LRP2: variants seen among roughly 807,000 people sequenced by gnomAD.
The protein encoded by LRP2 is low-density lipoprotein receptor-related protein 2.
In LRP2, 172 loss-of-function variants were observed where a neutral mutation model predicts 531.0. The observed-to-expected ratio is 0.32, with a 90% CI of 0.29 to 0.37. The LOEUF (loss-of-function observed/expected upper bound fraction) is 0.37. Ranked by LOEUF, LRP2 falls within the 10% of genes least tolerant of loss-of-function variation. The probability of loss-of-function intolerance (pLI) is 1.00; values close to 1 mark genes in which losing one functional copy is unlikely to be tolerated. For missense variants in LRP2, 5,167 were observed against 5,868.3 expected, an observed-to-expected ratio of 0.88 and a Z score of 3.90; for synonymous variants, 1,992 against 2,027.6, an observed-to-expected ratio of 0.98 and a Z score of 0.47.
chr2:169,241,277 C>T lies in LRP2; in HGVS notation c.3756G>A (p.Gly1252=), dbSNP rs748092401. Residue 1252 remains glycine (G), a synonymous_variant, in exon 25 of 79, where the codon GGG becomes GGA. Coordinates refer to ENST00000649046, the MANE Select transcript of LRP2 (RefSeq NM_004525.3). ...CAGATCCATAGAGGCAGTCTGGATG[C>T]CCATCACATTCCCAGAAGTTCGGGA... The part of the protein sequence containing the change: ...ICIPNFWECD[G]HPDCLYGSDE... 1.2e-6 allele frequency: 2 copies of T among 1,614,168 alleles called. No homozygotes were observed. The highest frequency in any genetic ancestry group is 8.5e-7 in the Non-Finnish European group (1 of 1,180,024).
intron 1 of LRP2, among the ~76,000 whole-genome samples, chr2:169,351,395 T>C (rs1349899954): frequency 5.3e-5 from 8 of 152,150 alleles, no homozygotes; most frequent in African/African-American, 1.7e-4. Flanking sequence ...ACAGAGGATT[T>C]CATAAAAGAA....
chr2:169,327,337 C>A (rs1418692659), intron 1 of LRP2, among the ~76,000 whole-genome samples: 2 of 132,770 alleles, frequency 1.5e-5, no homozygotes, highest in Non-Finnish European at 3.3e-5. Context: ...GCCCGGCCAG[C>A]CGCCCCATCC....
chr2:169,127,971 T>C lies in LRP2; in HGVS notation c.*692A>G, dbSNP rs138783294. On this transcript the variant is annotated 3_prime_UTR_variant, in exon 79 of 79. Transcript: ENST00000649046. ...GGGATTTCCTCATAGACATCACAAA[T>C]AAAAATGTTGTCTTGGCAGCTAGTG... The C allele has an allele frequency of 2.2e-4, 33 of 152,636 alleles. No individual in the cohort carries two copies. Among genetic ancestry groups the C allele is most frequent in the African/African-American group, 7.9e-4 (33 of 41,528 alleles). The allele number at this position is 152,636 out of a possible 1,614,324, so 9.5% of individuals were successfully genotyped here.
intron 1 of LRP2, among the ~76,000 whole-genome samples, chr2:169,341,393 G>A (rs566749704): frequency 4.9e-4 from 74 of 152,268 alleles, no homozygotes; most frequent in African/African-American, 1.7e-3. Flanking sequence ...TGCCTCCAGA[G>A]TCAATTCAAT....
chr2:169,233,654 G>C lies in LRP2; in HGVS notation c.4921-66C>G. ...CAAAGCCAAGGTGCACTGAGTCAAAGAGGATATCTGCTCAAGAAGACGGTT... is the reference window on the plus strand; with the variant it reads ...CAAAGCCAAGGTGCACTGAGTCAAACAGGATATCTGCTCAAGAAGACGGTT... On this transcript the variant is annotated intron_variant, in intron 29 of 78. Transcript: ENST00000649046. 5 of 1,333,216 alleles carry C rather than the reference G, an allele frequency of 3.8e-6. No homozygotes were observed. In the South Asian group the frequency reaches 5.9e-5, roughly 16 times the overall value. The allele number at this position is 1,333,216 out of a possible 1,614,324, so 82.6% of individuals were successfully genotyped here. A position where few individuals can be genotyped will look rare whatever the true frequency, so the allele number is the denominator to read the frequency against.
At chr2:169,156,175 G>C in intron 65 of LRP2, 99 bp downstream of exon 65, 1 of 1,528,864 alleles carries the variant, frequency 6.5e-7, no homozygotes, top group Non-Finnish European at 8.9e-7. Flanking sequence ...AGAAAGAAAA[G>C]AAAAACTATG....
Position 169,356,452 on chromosome 2 carries a change from G to T in LRP2, c.79+5869C>A, listed in dbSNP as rs534915549. 3.9e-5 allele frequency among the ~76,000 whole-genome samples: 6 copies of T among 152,310 alleles called. No homozygotes were observed. In the South Asian group the frequency reaches 1.2e-3, roughly 32 times the overall value. ...TAATGATGAATGGAAATCTATATGA[G>T]ACTTCACAGTTTATTAAACATTTCA... On this transcript the variant is annotated intron_variant, in intron 1 of 78. Coordinates refer to ENST00000649046, the MANE Select transcript of LRP2 (RefSeq NM_004525.3).
chr2:169,281,829 A>C (rs1472503333), intron 10 of LRP2, among the ~76,000 whole-genome samples: 2 of 152,146 alleles, frequency 1.3e-5, no homozygotes, highest in African/African-American at 2.4e-5. Flanking sequence ...CACAAGATGC[A>C]GAACTGTGCA....
chr2:169,202,284 G>C (rs1024744593), intron 43 of LRP2, among the ~76,000 whole-genome samples: 2 of 152,170 alleles, frequency 1.3e-5, no homozygotes, highest in African/African-American at 4.8e-5. Flanking sequence ...TATTCAGATG[G>C]AAGCTGAGGA....
At chr2:169,246,624 C>T in intron 21 of LRP2, 81 bp downstream of exon 21, 1 of 1,500,486 alleles carries the variant, frequency 6.7e-7, no homozygotes, top group Non-Finnish European at 9.3e-7. Context: ...ATATAAATAG[C>T]CCAAGCTTTT....
chr2:169,209,863 T>C (rs758759820), intron 37 of LRP2, among the ~76,000 whole-genome samples: 1 of 152,112 alleles, frequency 6.6e-6, no homozygotes, highest in Admixed American at 6.6e-5. Context: ...ATGTTGATTA[T>C]AGGTTTAGGC....
At chr2:169,272,850 G>A in intron 15 of LRP2, 77 bp downstream of exon 15, 2 of 1,576,454 alleles carry the variant, frequency 1.3e-6, no homozygotes, top group Non-Finnish European at 1.7e-6. Context: ...TTCAAGAGTA[G>A]CAGTTAGTCT....
At position 169,139,262 on chromosome 2, in the gene LRP2, G is replaced by C; in HGVS notation, c.13377C>G (p.Pro4459=). 6.2e-7 allele frequency: 1 copy of C among 1,614,148 alleles called. No homozygotes were observed. The highest frequency in any genetic ancestry group is 8.5e-7 in the Non-Finnish European group (1 of 1,180,004). ...ATAATGAAACTGACCTTGGCAGCTT[G>C]GGCAGAGCAGGCAAAAGGGAGCCGG... ...RRTGSLLPAL[P]KLPSLSSLVK... The change falls in exon 74 of 79, where the codon CCC becomes CCG. Residue 4459 remains proline (P), a synonymous_variant. Coordinates refer to ENST00000649046, the MANE Select transcript of LRP2 (RefSeq NM_004525.3).
At chr2:169,328,054 G>A (rs1297232138) in intron 1 of LRP2, among the ~76,000 whole-genome samples, 13 of 140,870 alleles carry the variant, frequency 9.2e-5, no homozygotes, top group Middle Eastern at 3.9e-3. Context: ...CGCCCCGTCC[G>A]GGAGGGAGGT....
intron 71 of LRP2, among the ~76,000 whole-genome samples, chr2:169,140,824 C>G (rs1377250109): frequency 2.0e-5 from 3 of 152,162 alleles, no homozygotes; most frequent in African/African-American, 7.2e-5. Flanking sequence ...GTTACAAGAA[C>G]CTAGTGGTAA....
intron 3 of LRP2, among the ~76,000 whole-genome samples, chr2:169,316,717 C>A (rs925540084): frequency 6.6e-6 from 1 of 152,050 alleles, no homozygotes; most frequent in Admixed American, 6.6e-5. Context: ...TCTCATCAGG[C>A]CACAGAGGGT....
In LRP2 at chr2:169,362,281, G is replaced by A. The variant is rs1162462847; in HGVS notation, c.79+40C>T. The A allele has an allele frequency of 3.3e-6, 5 of 1,506,544 alleles. No homozygotes were observed. The South Asian group carries it at 3.6e-5, about 11-fold the overall frequency. 93.3% of individuals were successfully genotyped at this position (1,506,544 alleles called of 1,614,324 possible). A position where few individuals can be genotyped will look rare whatever the true frequency, so the allele number is the denominator to read the frequency against. ...CGGACCCGACCCTGCCACAGCCGGGGAAGTGGGGGCTCCACGAGAGGCTCT... is the reference window on the plus strand; with the variant it reads ...CGGACCCGACCCTGCCACAGCCGGGAAAGTGGGGGCTCCACGAGAGGCTCT... On this transcript the variant is annotated intron_variant, in intron 1 of 78. Transcript: ENST00000649046.
chr2:169,219,608 T>G (rs1001960670), intron 34 of LRP2, among the ~76,000 whole-genome samples: 98 of 152,222 alleles, frequency 6.4e-4, no homozygotes, highest in African/African-American at 2.2e-3. Flanking sequence ...ATACCACATG[T>G]TCTGACTTAT....
At chr2:169,173,015 C>CCGTCCGG in intron 57 of LRP2, 81 bp downstream of exon 57, 2 of 1,399,860 alleles carry the variant, frequency 1.4e-6, no homozygotes, top group Non-Finnish European at 2.0e-6. Flanking sequence ...GGGAAATACA[C>CCGTCCGG]TCTCATCTCT....
Sources: allele counts gnomAD v4.1 joint callset (sites outside exome capture counted in the v4.1 genomes callset), GRCh38; gene constraint gnomAD v4.1.1; transcripts MANE v1.5; gene names NCBI Gene and HGNC (gene_info 2026-07-23, HGNC 2026-07-21).